RNF111: variants seen among roughly 807,000 people sequenced by gnomAD.
The protein encoded by RNF111 is ring finger protein 111.
Under a neutral mutation model 95.1 loss-of-function variants are expected in RNF111, and 17 were observed. The observed-to-expected ratio is 0.18, with a 90% confidence interval of 0.12 to 0.27. RNF111 has a LOEUF of 0.27. Among genes scored for constraint, RNF111 ranks in the 10% least tolerant of loss-of-function variants. The pLI, the probability that RNF111 is intolerant of heterozygous loss-of-function variation, is 1.00. For synonymous variants in RNF111, 440 were observed against 414.8 expected, an observed-to-expected ratio of 1.06 and a Z score of -0.74; for missense variants, 1,189 against 1,210.4, an observed-to-expected ratio of 0.98 and a Z score of 0.26.
intron 2 of RNF111, among the ~76,000 whole-genome samples, chr15:59,048,457 A>G (rs2041818338): frequency 1.3e-5 from 2 of 152,202 alleles, no homozygotes; most frequent in South Asian, 2.1e-4. Flanking sequence ...GGTATAGGGG[A>G]TGATGACTGA....
rs140988886 is a variant in RNF111, at chr15:59,058,950, A to C, written c.1366+400A>C. On this transcript the variant is annotated intron_variant, in intron 5 of 13. Transcript: ENST00000348370. The stretch of plus-strand genomic sequence containing the variant: ...ATTGCAAATCCTTTATCTGATAAGC[A>C]CTTTAGAATCCAGAATCTACAAAGC... Among the ~76,000 whole-genome samples, 69 of 152,310 alleles carry C rather than the reference A, an allele frequency of 4.5e-4. 1 individual carries two copies. The East Asian group carries it at 0.013, about 28-fold the overall frequency.
chr15:59,034,156 GT>G (rs2041055481), intron 2 of RNF111, among the ~76,000 whole-genome samples: 1 of 152,096 alleles, frequency 6.6e-6, no homozygotes, highest in African/African-American at 2.4e-5. Flanking sequence ...ACTATGTATA[GT>G]TATCTCATTC....
Position 59,026,767 on chromosome 15 carries a change from GA to G in RNF111, c.-19-4028del, listed in dbSNP as rs34974222. ...TGATACAATACAGCGATGGATTTTA[GA>G]AAAAAAAATAGTATGAATTACTCCC... On this transcript the variant is annotated intron_variant, in intron 1 of 13. Coordinates refer to ENST00000348370, the MANE Select transcript of RNF111 (RefSeq NM_017610.8). 2.7e-5 allele frequency among the ~76,000 whole-genome samples: 4 copies of G among 150,556 alleles called. No homozygotes were observed. The East Asian group carries it at 5.8e-4, about 22-fold the overall frequency.
At chr15:59,064,720 T>C (rs1197102697) in intron 5 of RNF111, among the ~76,000 whole-genome samples, 1 of 151,986 alleles carries the variant, frequency 6.6e-6, no homozygotes, top group African/African-American at 2.4e-5. Flanking sequence ...GTTTGGGAGA[T>C]TAGCCCCCAT....
chr15:59,058,585 T>C (rs752718565), intron 5 of RNF111, 35 bp downstream of exon 5: 2 of 1,563,298 alleles, frequency 1.3e-6, no homozygotes, highest in African/African-American at 1.4e-5. Flanking sequence ...AGACTTTTTG[T>C]CATTACTTTC....
chr15:59,062,493 CATTT>C (rs1454397593), intron 5 of RNF111, among the ~76,000 whole-genome samples: 5 of 152,166 alleles, frequency 3.3e-5, no homozygotes, highest in African/African-American at 1.2e-4. Flanking sequence ...CTTATATATT[CATTT>C]GTTTAACACA....
rs187074083 is a variant in RNF111 at position 58,989,612 on chromosome 15, A to G, written c.-20+1544A>G. ...TTCACCAGACATAGAACTGGTTTTT[A>G]AAGAAAGGTATAAACAAAGTGACTT... is the stretch of plus-strand genomic sequence containing the variant. On this transcript the variant is annotated intron_variant, in intron 1 of 13. Transcript: ENST00000348370. 8.5e-4 allele frequency among the ~76,000 whole-genome samples: 130 copies of G among 152,346 alleles called. 1 individual carries two copies. The highest frequency in any genetic ancestry group is 3.4e-3 in the Middle Eastern group (1 of 294).
At chr15:59,035,958 A>G (rs1051030432) in intron 2 of RNF111, among the ~76,000 whole-genome samples, 11 of 152,114 alleles carry the variant, frequency 7.2e-5, no homozygotes, top group African/African-American at 2.7e-4. Context: ...TTGCTTCCAC[A>G]TTTTCAGATA....
In RNF111 at chr15:59,095,764, T is replaced by C. The variant is rs1327102425; in HGVS notation, c.*864T>C. 5.4e-6 allele frequency: 2 copies of C among 367,554 alleles called. No individual in the cohort carries two copies. Among genetic ancestry groups the C allele is most frequent in the African/African-American group, 2.1e-5 (1 of 48,014 alleles). The allele number at this position is 367,554 out of a possible 1,614,324, so 22.8% of individuals were successfully genotyped here. A position where few individuals can be genotyped will look rare whatever the true frequency, so the allele number is the denominator to read the frequency against. ...AATTTTAGGGAAATTGAAAAAGACA[T>C]GTAGAATTTGTTGTCTTCTGCTAAG... On this transcript the variant is annotated 3_prime_UTR_variant, in exon 14 of 14. Transcript: ENST00000348370.
intron 1 of RNF111, chr15:59,003,934 TTAA>T (rs1266085789): frequency 6.1e-6 from 1 of 163,608 alleles, no homozygotes; most frequent in African/African-American, 2.4e-5. Context: ...TTCTAAAATA[TTAA>T]TAAGCTACTG....
intron 5 of RNF111, 101 bp from the exon 6 acceptor site, chr15:59,066,662 CG>C: frequency 1.1e-6 from 1 of 936,960 alleles, no homozygotes; most frequent in Non-Finnish European, 1.6e-6. Context: ...TTGAAATTAC[CG>C]AACATTTCTT....
At chr15:59,090,241 G>T (rs1396385773) in intron 11 of RNF111, among the ~76,000 whole-genome samples, 6 of 151,794 alleles carry the variant, frequency 4.0e-5, no homozygotes, top group African/African-American at 1.5e-4. Context: ...TGTTGTTGTT[G>T]TTTTTTTAGA....
chr15:58,993,917 A>G (rs975760081), intron 1 of RNF111, among the ~76,000 whole-genome samples: 3 of 152,116 alleles, frequency 2.0e-5, no homozygotes, highest in African/African-American at 7.2e-5. Context: ...ATATATGGCT[A>G]GGTGTCAAGT....
intron 1 of RNF111, among the ~76,000 whole-genome samples, chr15:59,024,337 G>A (rs1248377186): frequency 2.6e-5 from 4 of 152,004 alleles, no homozygotes; most frequent in African/African-American, 9.7e-5. Flanking sequence ...TACTAATTGA[G>A]TGCCTAGTAT....
chr15:59,034,969 T>A (rs2041100622), intron 2 of RNF111, among the ~76,000 whole-genome samples: 1 of 152,120 alleles, frequency 6.6e-6, no homozygotes, highest in African/African-American at 2.4e-5. Context: ...GGGTAATTTA[T>A]AAAGGAAAGG....
chr15:59,032,286 T>C (rs752431930), intron 2 of RNF111, among the ~76,000 whole-genome samples: 30 of 152,232 alleles, frequency 2.0e-4, no homozygotes, highest in Non-Finnish European at 1.0e-4. Context: ...ATGTATGTTC[T>C]TCATTTATGG....
intron 13 of RNF111, among the ~76,000 whole-genome samples, chr15:59,093,890 C>T (rs1461863456): frequency 2.6e-5 from 4 of 152,074 alleles, no homozygotes; most frequent in Non-Finnish European, 4.4e-5. Context: ...ATTGCTTTTA[C>T]AGTATTGACA....
chr15:59,081,335 TC>T, intron 8 of RNF111, 51 bp downstream of exon 8: 1 of 1,466,140 alleles, frequency 6.8e-7, no homozygotes, highest in Non-Finnish European at 9.3e-7. Context: ...TTCTTCTACT[TC>T]CATTGGTCTT....
chr15:59,066,740 C>G (rs375859811), intron 5 of RNF111, 24 bp from the exon 6 acceptor site: 121 of 1,578,588 alleles, frequency 7.7e-5, no homozygotes, highest in Non-Finnish European at 9.5e-5. Context: ...TTTGATTATT[C>G]TGTGCATTTT....
Sources: allele counts gnomAD v4.1 joint callset (sites outside exome capture counted in the v4.1 genomes callset), GRCh38; gene constraint gnomAD v4.1.1; transcripts MANE v1.5; gene names NCBI Gene and HGNC (gene_info 2026-07-23, HGNC 2026-07-21).